MAN1A1: variants seen among roughly 807,000 people sequenced by gnomAD.
MAN1A1 encodes the protein mannosidase alpha class 1A member 1, also known as mannosyl-oligosaccharide 1,2-alpha-mannosidase IA.
MAN1A1 carries 29 observed loss-of-function variants against 70.8 expected under a neutral mutation model. The observed-to-expected ratio is 0.41, with a 90% CI of 0.31 to 0.56. MAN1A1 has a LOEUF of 0.56. Ranked by LOEUF, MAN1A1 falls within the 20% of genes least tolerant of loss-of-function variation. The pLI, the probability that MAN1A1 is intolerant of heterozygous loss-of-function variation, is 0.29. For missense variants in MAN1A1, 747 were observed against 841.3 expected (o/e 0.89, Z 1.39); for synonymous variants, 349 against 330.1 (o/e 1.06, Z -0.62).
intron 5 of MAN1A1, among the ~76,000 whole-genome samples, chr6:119,250,652 G>GTGTA (rs1775293081): frequency 1.4e-5 from 2 of 146,394 alleles, no homozygotes; most frequent in Non-Finnish European, 3.1e-5. Flanking sequence ...CTCTCTCTGT[G>GTGTA]TGTGTGTGTG....
At chr6:119,196,077 T>C (rs1017542519) in intron 8 of MAN1A1, among the ~76,000 whole-genome samples, 2 of 152,160 alleles carry the variant, frequency 1.3e-5, no homozygotes, top group African/African-American at 4.8e-5. Flanking sequence ...TAGGAAATGA[T>C]GGCCAGGATC....
intron 11 of MAN1A1, among the ~76,000 whole-genome samples, chr6:119,184,156 A>G (rs1006657371): frequency 6.6e-6 from 1 of 152,126 alleles, no homozygotes; most frequent in Non-Finnish European, 1.5e-5. Context: ...GCATCTCAAC[A>G]GTGGAAGCTG....
intron 5 of MAN1A1, among the ~76,000 whole-genome samples, chr6:119,282,439 A>G (rs550481242): frequency 7.2e-5 from 11 of 152,210 alleles, no homozygotes; most frequent in Non-Finnish European, 1.5e-4. Flanking sequence ...TTGTTTTTGA[A>G]TCAACTCTGT....
chr6:119,236,595 C>G (rs922665489), intron 6 of MAN1A1, among the ~76,000 whole-genome samples: 2 of 151,426 alleles, frequency 1.3e-5, no homozygotes, highest in African/African-American at 4.9e-5. Context: ...ATAATCCCAG[C>G]TACTCGGGAG....
intron 11 of MAN1A1, among the ~76,000 whole-genome samples, chr6:119,183,030 G>C (rs1247604673): frequency 1.3e-5 from 2 of 152,130 alleles, no homozygotes; most frequent in African/African-American, 2.4e-5. Context: ...AAAGAGGCGA[G>C]GGAAAGTAAG....
In MAN1A1 at chr6:119,220,107, C is replaced by T. The variant is rs1336073704; in HGVS notation, c.993-15225G>A. On this transcript the variant is annotated intron_variant, in intron 6 of 12. Transcript: ENST00000368468. ...ATAAGAGGACTTTTACCACAATCTT[C>T]ATTTTAGAATGATTTTCAAAAGACT... Among the ~76,000 whole-genome samples the T allele has an allele frequency of 2.0e-5, 3 of 152,074 alleles. No individual in the cohort carries two copies. The East Asian group carries it at 5.8e-4, about 29-fold the overall frequency.
intron 3 of MAN1A1, among the ~76,000 whole-genome samples, chr6:119,305,564 C>G (rs1312580278): frequency 6.6e-6 from 1 of 152,094 alleles, no homozygotes; most frequent in African/African-American, 2.4e-5. Flanking sequence ...TGCTCTTCAT[C>G]TCAAAACTGT....
intron 4 of MAN1A1, among the ~76,000 whole-genome samples, chr6:119,300,967 A>C (rs1260788620): frequency 6.6e-6 from 1 of 152,188 alleles, no homozygotes; most frequent in East Asian, 1.9e-4. Context: ...AGCTTTACTG[A>C]TCCTTAATAT....
chr6:119,293,677 T>TTTCA (rs1182992035), intron 4 of MAN1A1, among the ~76,000 whole-genome samples: 3 of 152,114 alleles, frequency 2.0e-5, no homozygotes, highest in Non-Finnish European at 2.9e-5. Flanking sequence ...TTGAGGTCTC[T>TTTCA]TTCAGTATTC....
intron 5 of MAN1A1, among the ~76,000 whole-genome samples, chr6:119,277,744 G>C (rs924498380): frequency 1.3e-5 from 2 of 151,766 alleles, no homozygotes; most frequent in Non-Finnish European, 2.9e-5. Context: ...AGACCATCCT[G>C]GTTAACACGG....
Position 119,282,073 on chromosome 6 carries a change from C to CAAACA in MAN1A1, c.897+8605_897+8609dup, listed in dbSNP as rs373573661. Among the ~76,000 whole-genome samples the CAAACA allele has an allele frequency of 8.8e-3, 1,336 of 152,022 alleles. 16 individuals carry two copies. The highest frequency in any genetic ancestry group is 0.03 in the African/African-American group (1,249 of 41,458). ...CAGAGCAAGACTCCGTCTCAGAAAA[C>CAAACA]AAACAAAACAAAACAAAACAAAACA... On this transcript the variant is annotated intron_variant, in intron 5 of 12. Coordinates refer to ENST00000368468, the MANE Select transcript of MAN1A1 (RefSeq NM_005907.4).
At chr6:119,327,840 T>A (rs1773196346) in intron 2 of MAN1A1, among the ~76,000 whole-genome samples, 1 of 151,982 alleles carries the variant, frequency 6.6e-6, no homozygotes, top group Non-Finnish European at 1.5e-5. Flanking sequence ...AATGAATGAA[T>A]GAAAAGAAAA....
intron 11 of MAN1A1, among the ~76,000 whole-genome samples, chr6:119,188,097 C>T (rs544417249): frequency 6.6e-6 from 1 of 152,260 alleles, no homozygotes; most frequent in East Asian, 1.9e-4. Context: ...CTGCCAACAA[C>T]CCTTAGGTGG....
In MAN1A1 at chr6:119,200,633, A is replaced by G. The variant is rs3798606; in HGVS notation, c.1210+621T>C. On this transcript the variant is annotated intron_variant, in intron 8 of 12. Transcript: ENST00000368468. ...AATCAGCTTGAGAACATTTCTTTCA[A>G]CTACTCTGAATCTTTATGCCCCTGC... 5.6e-3 allele frequency among the ~76,000 whole-genome samples: 856 copies of G among 152,244 alleles called. 26 individuals are homozygous for G. The East Asian group carries it at 0.081, about 14-fold the overall frequency.
intron 2 of MAN1A1, among the ~76,000 whole-genome samples, chr6:119,320,645 G>A (rs1021800600): frequency 6.6e-6 from 1 of 151,754 alleles, no homozygotes. Flanking sequence ...AAAAAAAAGA[G>A]GTATGTGGTC....
At chr6:119,254,137 C>G (rs538146688) in intron 5 of MAN1A1, among the ~76,000 whole-genome samples, 2 of 152,274 alleles carry the variant, frequency 1.3e-5, no homozygotes, top group African/African-American at 2.4e-5. Flanking sequence ...AGGCATATCA[C>G]AAATCATTCT....
chr6:119,246,905 C>A (rs1441573461), intron 6 of MAN1A1, among the ~76,000 whole-genome samples: 1 of 152,034 alleles, frequency 6.6e-6, no homozygotes, highest in South Asian at 2.1e-4. Context: ...AAAGGAAGAA[C>A]AGATCCTGAG....
intron 8 of MAN1A1, among the ~76,000 whole-genome samples, chr6:119,195,585 T>C (rs1773546631): frequency 6.6e-6 from 1 of 152,230 alleles, no homozygotes; most frequent in Non-Finnish European, 1.5e-5. Flanking sequence ...CATTTTCTTC[T>C]GTCTCCTCCA....
intron 6 of MAN1A1, among the ~76,000 whole-genome samples, chr6:119,226,267 G>A (rs1486047402): frequency 6.6e-6 from 1 of 152,158 alleles, no homozygotes; most frequent in East Asian, 1.9e-4. Context: ...GGAACAGCAG[G>A]CAGCATGAGC....
Sources: allele counts gnomAD v4.1 joint callset (sites outside exome capture counted in the v4.1 genomes callset), GRCh38; gene constraint gnomAD v4.1.1; transcripts MANE v1.5; gene names NCBI Gene and HGNC (gene_info 2026-07-23, HGNC 2026-07-21).